The following MMP16 variants were observed in gnomAD, a reference collection of about 807,000 sequenced individuals.
MMP16 encodes the protein matrix metalloproteinase-16.
Under a neutral mutation model 67.8 loss-of-function variants are expected in MMP16, and 12 were observed. That is an observed-to-expected ratio of 0.18 (90% CI 0.11 to 0.29). MMP16 has a LOEUF of 0.29. MMP16 is among the 10% of genes least tolerant of loss of function. The pLI is 1.00. For missense variants in MMP16, 475 were observed against 765.7 expected (o/e 0.62, Z 4.48); for synonymous variants, 249 against 255.9 (o/e 0.97, Z 0.26).
At chr8:88,084,750 A>G (rs1018134363) in intron 6 of MMP16, among the ~76,000 whole-genome samples, 1 of 152,044 alleles carries the variant, frequency 6.6e-6, no homozygotes, top group Non-Finnish European at 1.5e-5. Context: ...AAAATTTCTT[A>G]GTAAAAAGTT....
chr8:88,277,497 C>G (rs187076857), intron 1 of MMP16, among the ~76,000 whole-genome samples: 1 of 152,150 alleles, frequency 6.6e-6, no homozygotes, highest in Non-Finnish European at 1.5e-5. Flanking sequence ...GGAAACAAAA[C>G]GTGTATCATC....
intron 1 of MMP16, among the ~76,000 whole-genome samples, chr8:88,324,859 A>G (rs994469166): frequency 6.6e-6 from 1 of 152,112 alleles, no homozygotes; most frequent in African/African-American, 2.4e-5. Context: ...CTACTCCTAC[A>G]ATCTAAAAAA....
chr8:88,155,892 T>G (rs545653404), intron 4 of MMP16, among the ~76,000 whole-genome samples: 1 of 152,266 alleles, frequency 6.6e-6, no homozygotes, highest in East Asian at 1.9e-4. Flanking sequence ...TCCTTGATTC[T>G]TCAGTATCCT....
chr8:88,318,503 G>A (rs183889277), intron 1 of MMP16, among the ~76,000 whole-genome samples: 1 of 152,266 alleles, frequency 6.6e-6, no homozygotes, highest in Admixed American at 6.5e-5. Context: ...TACAAACGAT[G>A]TTCGTAATGG....
intron 6 of MMP16, among the ~76,000 whole-genome samples, chr8:88,098,721 T>C (rs2118369263): frequency 6.6e-6 from 1 of 152,068 alleles, no homozygotes; most frequent in East Asian, 1.9e-4. Flanking sequence ...TTGTCTATTG[T>C]GAACACCCGG....
intron 1 of MMP16, among the ~76,000 whole-genome samples, chr8:88,312,675 A>G (rs1373658208): frequency 6.6e-6 from 1 of 152,116 alleles, no homozygotes; most frequent in African/African-American, 2.4e-5. Flanking sequence ...GCTAAAGATT[A>G]GTGTCCATTT....
intron 1 of MMP16, among the ~76,000 whole-genome samples, chr8:88,299,317 CA>C (rs927312102): frequency 9.3e-5 from 14 of 150,784 alleles, no homozygotes; most frequent in African/African-American, 1.7e-4. Flanking sequence ...AATAAAAAGG[CA>C]AAAAAAAGAA....
intron 4 of MMP16, among the ~76,000 whole-genome samples, chr8:88,130,800 T>C (rs1295290330): frequency 6.6e-6 from 1 of 151,064 alleles, no homozygotes; most frequent in Admixed American, 6.6e-5. Flanking sequence ...GGTTTGTAAG[T>C]AGAGCAATGA....
chr8:88,197,052 A>T, intron 2 of MMP16, 106 bp downstream of exon 2: 1 of 1,059,998 alleles, frequency 9.4e-7, no homozygotes, highest in East Asian at 2.8e-5. Flanking sequence ...AAAGTTCATG[A>T]GACAAATTAC....
In MMP16 at chr8:88,261,146, C is replaced by T. The variant is rs1395259293; in HGVS notation, c.133-63840G>A. Among the ~76,000 whole-genome samples, 4 of 152,116 alleles carry T rather than the reference C, an allele frequency of 2.6e-5. No individual in the cohort carries two copies. In the East Asian group the frequency reaches 7.7e-4, roughly 29 times the overall value. On this transcript the variant is annotated intron_variant, in intron 1 of 9. Coordinates refer to ENST00000286614, the MANE Select transcript of MMP16 (RefSeq NM_005941.5). ...AAATTTCCTAGCTTTATCATGCAGA[C>T]ATACTGATTCTAATTTAATCATTCC... is the stretch of plus-strand genomic sequence containing the variant.
chr8:88,247,137 G>A (rs1262116324), intron 1 of MMP16, among the ~76,000 whole-genome samples: 1 of 151,964 alleles, frequency 6.6e-6, no homozygotes, highest in Admixed American at 6.6e-5. Context: ...TCAGGGTAGG[G>A]GCACGGTCAA....
At chr8:88,281,290 G>A (rs1810731531) in intron 1 of MMP16, among the ~76,000 whole-genome samples, 1 of 152,132 alleles carries the variant, frequency 6.6e-6, no homozygotes, top group African/African-American at 2.4e-5. Context: ...TCAAAATTAC[G>A]ATTTACAAAA....
chr8:88,119,887 T>C (rs1296186979), intron 4 of MMP16, among the ~76,000 whole-genome samples: 1 of 152,096 alleles, frequency 6.6e-6, no homozygotes, highest in African/African-American at 2.4e-5. Flanking sequence ...TTTAATAATT[T>C]CAAGCATCAT....
At chr8:88,250,726 G>A (rs944037215) in intron 1 of MMP16, among the ~76,000 whole-genome samples, 3 of 150,952 alleles carry the variant, frequency 2.0e-5, no homozygotes, top group African/African-American at 4.9e-5. Flanking sequence ...CTCAGTGCCT[G>A]TAATTCTTTG....
rs2118184213 is a variant in MMP16, at chr8:88,041,008, A to T, written c.*453T>A. On this transcript the variant is annotated 3_prime_UTR_variant, in exon 10 of 10. Coordinates refer to ENST00000286614, the MANE Select transcript of MMP16 (RefSeq NM_005941.5). The surrounding 1 kb of genome is among the most constrained non-coding windows in gnomAD (Gnocchi z 6.0). ...TTAAACTCTTTTTTCCCTTTGTTTTAAAGCAAAAAAAGAAAAAAAGAAAAA... is the reference window on the plus strand; with the variant it reads ...TTAAACTCTTTTTTCCCTTTGTTTTTAAGCAAAAAAAGAAAAAAAGAAAAA... 6.8e-6 allele frequency: 1 copy of T among 148,074 alleles called. No homozygotes were observed. Among genetic ancestry groups the T allele is most frequent in the East Asian group, 1.9e-4 (1 of 5,176 alleles). 9.2% of individuals were successfully genotyped at this position (148,074 alleles called of 1,614,324 possible). A position where few individuals can be genotyped will look rare whatever the true frequency, so the allele number is the denominator to read the frequency against.
intron 1 of MMP16, among the ~76,000 whole-genome samples, chr8:88,317,578 G>A (rs1324709147): frequency 6.6e-6 from 1 of 152,128 alleles, no homozygotes; most frequent in Non-Finnish European, 1.5e-5. Flanking sequence ...ATTGCAGTGA[G>A]AAAACCAAAC....
chr8:88,212,952 G>A (rs1017049464), intron 1 of MMP16, among the ~76,000 whole-genome samples: 1 of 152,148 alleles, frequency 6.6e-6, no homozygotes, highest in Admixed American at 6.5e-5. Flanking sequence ...AAGGGCTGAA[G>A]CAGAAAACTC....
At chr8:88,225,654 C>A in intron 1 of MMP16, among the ~76,000 whole-genome samples, 1 of 151,834 alleles carries the variant, frequency 6.6e-6, no homozygotes, top group Non-Finnish European at 1.5e-5. Context: ...CACACACCTA[C>A]AATAACAGGC....
At chr8:88,274,354 G>A (rs1466595693) in intron 1 of MMP16, among the ~76,000 whole-genome samples, 2 of 152,070 alleles carry the variant, frequency 1.3e-5, no homozygotes, top group African/African-American at 4.8e-5. Flanking sequence ...AATCCTGCAG[G>A]TGTGTTTTAT....
Sources: gnomAD v4.1 joint callset for allele counts (sites outside exome capture counted in the v4.1 genomes callset) on GRCh38, gnomAD v4.1.1 for gene constraint, Gnocchi (gnomAD v3.1) non-coding constraint, MANE v1.5 for transcripts, NCBI Gene and HGNC (gene_info 2026-07-23, HGNC 2026-07-21) for gene names.